The following ZNF254 variants were observed in gnomAD, a reference collection of about 807,000 sequenced individuals.
ZNF254 encodes zinc finger protein 254.
In ZNF254, 10 loss-of-function variants were observed where a neutral mutation model predicts 12.4. The ratio of observed to expected loss-of-function variants is 0.80; its 90% CI spans 0.50 to 1.36. The LOEUF (loss-of-function observed/expected upper bound fraction) is 1.36. Ranked by LOEUF, ZNF254 falls within the 40% of genes most tolerant of loss-of-function variation. The pLI is 0.00. For synonymous variants in ZNF254, 305 were observed against 253.4 expected (o/e 1.20, Z -1.93); for missense variants, 996 against 763.9 (o/e 1.30, Z -3.58).
At chr19:24,033,533 A>G in exon 1 of ZNF254, 1 of 271,402 alleles carries the variant, frequency 3.7e-6, no homozygotes, top group Non-Finnish European at 7.4e-6. Flanking sequence ...GCCCCTGGGG[A>G]CTCTGTGACG....
chr19:24,120,645 T>C (rs1242672757), intron 3 of ZNF254, among the ~76,000 whole-genome samples: 1 of 151,578 alleles, frequency 6.6e-6, no homozygotes, highest in East Asian at 1.9e-4. Flanking sequence ...TGACTCATTT[T>C]AGCATTTCTT....
At chr19:24,106,180 G>T (rs572585105) in intron 2 of ZNF254, 114 bp downstream of exon 2, 7 of 1,346,164 alleles carry the variant, frequency 5.2e-6, no homozygotes, top group African/African-American at 1.5e-5. Flanking sequence ...AAATACTGGG[G>T]ATTTGTCTGT....
chr19:24,041,926 A>T (rs1034737159), intron 1 of ZNF254, among the ~76,000 whole-genome samples: 1 of 152,000 alleles, frequency 6.6e-6, no homozygotes, highest in African/African-American at 2.4e-5. Flanking sequence ...GAGAGTCTTT[A>T]TATCTAGCTC....
chr19:24,085,427 A>ATATATATATATATATATATATATATATGT (rs1369362234), upstream of ZNF254, among the ~76,000 whole-genome samples: 1,508 of 42,242 alleles, frequency 0.036, 155 homozygotes, highest in Middle Eastern at 0.061. Flanking sequence ...TATATATATA[A>ATATATATATATATATATATATATATATGT]AAACTAAGAT....
At chr19:24,077,205 T>TA (rs1289467427) in intron 2 of ZNF254, among the ~76,000 whole-genome samples, 2 of 152,208 alleles carry the variant, frequency 1.3e-5, no homozygotes, top group East Asian at 3.8e-4. Context: ...CCTCAAGTTT[T>TA]CCTGTCTTAC....
intron 3 of ZNF254, among the ~76,000 whole-genome samples, chr19:24,125,094 A>G (rs1159318851): frequency 1.3e-5 from 2 of 152,016 alleles, no homozygotes; most frequent in Non-Finnish European, 2.9e-5. Context: ...CTGGCACATC[A>G]GTTTTATCTG....
chr19:24,115,847 C>T (rs995314527), intron 3 of ZNF254, among the ~76,000 whole-genome samples: 12 of 152,172 alleles, frequency 7.9e-5, no homozygotes, highest in African/African-American at 2.4e-4. Context: ...TTGTTCCTTT[C>T]TGTGTTTAGT....
chr19:24,087,096 T>G, upstream of ZNF254: 2 of 548,700 alleles, frequency 3.6e-6, no homozygotes, highest in African/African-American at 1.9e-5. Flanking sequence ...GGCGGGGCCT[T>G]AAACGTTATC....
At chr19:24,059,275 T>C (rs1970981611) in intron 2 of ZNF254, among the ~76,000 whole-genome samples, 1 of 152,218 alleles carries the variant, frequency 6.6e-6, no homozygotes, top group South Asian at 2.1e-4. Context: ...CATTGTCACA[T>C]GTTCCTGGGC....
intron 2 of ZNF254, among the ~76,000 whole-genome samples, chr19:24,069,134 G>T (rs1971387701): frequency 6.6e-6 from 1 of 151,958 alleles, no homozygotes; most frequent in South Asian, 2.1e-4. Context: ...AGCCTCCCGA[G>T]TAGCTGGGAC....
At chr19:24,116,128 A>AT (rs1270828473) in intron 3 of ZNF254, among the ~76,000 whole-genome samples, 2 of 151,816 alleles carry the variant, frequency 1.3e-5, no homozygotes, top group South Asian at 2.1e-4. Context: ...TGCCCTTAAC[A>AT]TTTTTTCCTT....
chr19:24,087,881 G>C (rs1327679895), intron 1 of ZNF254, among the ~76,000 whole-genome samples: 1 of 150,836 alleles, frequency 6.6e-6, no homozygotes, highest in East Asian at 1.9e-4. Flanking sequence ...TCAATAATTG[G>C]CTAGGTACAG....
chr19:24,059,991 G>A (rs1186063119), intron 2 of ZNF254, among the ~76,000 whole-genome samples: 1 of 152,112 alleles, frequency 6.6e-6, no homozygotes, highest in Non-Finnish European at 1.5e-5. Flanking sequence ...TTCCCACAGA[G>A]AAGATTGTGA....
At chr19:24,116,117 C>A (rs889244066) in intron 3 of ZNF254, among the ~76,000 whole-genome samples, 6 of 152,182 alleles carry the variant, frequency 3.9e-5, no homozygotes, top group African/African-American at 1.4e-4. Context: ...TTCTCTCTGG[C>A]TGCCCTTAAC....
chr19:24,044,548 AT>A (rs142966521), intron 1 of ZNF254, among the ~76,000 whole-genome samples: 41,987 of 142,100 alleles, frequency 0.3, 6,532 homozygotes, highest in African/African-American at 0.47. Flanking sequence ...AAAAAAAAAA[AT>A]AAATAAATAA....
chr19:24,047,407 A>G (rs1403913746), intron 2 of ZNF254, among the ~76,000 whole-genome samples: 3 of 147,600 alleles, frequency 2.0e-5, no homozygotes, highest in East Asian at 2.0e-4. Flanking sequence ...TTCCTACTAC[A>G]TGAGCATGCC....
chr19:24,088,245 T>C (rs1366633594), intron 1 of ZNF254, among the ~76,000 whole-genome samples: 1 of 152,144 alleles, frequency 6.6e-6, no homozygotes, highest in African/African-American at 2.4e-5. Context: ...GGGAATATCC[T>C]GGTTATGTAA....
intron 2 of ZNF254, among the ~76,000 whole-genome samples, chr19:24,052,643 C>A (rs1288880712): frequency 1.3e-5 from 2 of 152,132 alleles, no homozygotes; most frequent in African/African-American, 2.4e-5. Context: ...ATTCTGCTTT[C>A]AAGAGGAGAT....
chr19:24,115,555 G>A (rs1413434613), intron 3 of ZNF254, among the ~76,000 whole-genome samples: 1 of 151,702 alleles, frequency 6.6e-6, no homozygotes, highest in Non-Finnish European at 1.5e-5. Context: ...GGATAGCATT[G>A]GGAGATATAC....
Sources: allele counts gnomAD v4.1 joint callset (sites outside exome capture counted in the v4.1 genomes callset), GRCh38; gene constraint gnomAD v4.1.1; transcripts MANE v1.5; gene names NCBI Gene and HGNC (gene_info 2026-07-23, HGNC 2026-07-21).